COL14A1: variants seen among roughly 807,000 people sequenced by gnomAD.
COL14A1 encodes collagen alpha-1(XIV) chain.
A neutral mutation model predicts 230.3 loss-of-function variants in COL14A1; 136 were observed. The ratio of observed to expected loss-of-function variants is 0.59; its 90% CI spans 0.51 to 0.68. The LOEUF (loss-of-function observed/expected upper bound fraction) is 0.68, where lower values mean the gene tolerates loss of function less well. COL14A1 is among the 30% of genes least tolerant of loss of function. The pLI is 0.00. For missense variants in COL14A1, 1,976 were observed against 2,215.8 expected, an observed-to-expected ratio of 0.89 and a Z score of 2.17; for synonymous variants, 792 against 784.1, an observed-to-expected ratio of 1.01 and a Z score of -0.17.
intron 19 of COL14A1, among the ~76,000 whole-genome samples, chr8:120,235,234 A>G (rs1818402291): frequency 6.6e-6 from 1 of 151,858 alleles, no homozygotes; most frequent in East Asian, 1.9e-4. Context: ...TAGTGGTGCA[A>G]TCTTGGTTCA....
intron 37 of COL14A1, 31 bp from the exon 38 acceptor site, chr8:120,313,901 T>A (rs765113924): frequency 6.9e-7 from 1 of 1,439,944 alleles, no homozygotes; most frequent in South Asian, 1.2e-5. Flanking sequence ...CTAACTTACT[T>A]TTAGGATGAT....
intron 10 of COL14A1, 74 bp from the exon 11 acceptor site, chr8:120,208,158 A>C (rs1433999036): frequency 1.4e-6 from 2 of 1,439,180 alleles, no homozygotes; most frequent in Non-Finnish European, 1.9e-6. Context: ...TGCTGGACGT[A>C]TTTTCGCTTT....
intron 35 of COL14A1, among the ~76,000 whole-genome samples, chr8:120,298,606 T>TAG (rs1197551582): frequency 3.2e-5 from 2 of 62,808 alleles, no homozygotes; most frequent in Non-Finnish European, 6.7e-5. Context: ...TTTATATATA[T>TAG]ATATATATAT....
intron 5 of COL14A1, among the ~76,000 whole-genome samples, chr8:120,193,783 C>A (rs997188876): frequency 1.3e-5 from 2 of 152,204 alleles, no homozygotes; most frequent in African/African-American, 4.8e-5. Context: ...CTCGCTGCCA[C>A]CTTATAGTTT....
At chr8:120,365,130 A>G (rs566401111) in intron 45 of COL14A1, among the ~76,000 whole-genome samples, 17 of 152,238 alleles carry the variant, frequency 1.1e-4, no homozygotes, top group African/African-American at 4.1e-4. Flanking sequence ...CAGATTTTCT[A>G]TTCCCAATCT....
intron 45 of COL14A1, among the ~76,000 whole-genome samples, chr8:120,348,778 A>C (rs1260651568): frequency 2.0e-5 from 3 of 152,220 alleles, no homozygotes; most frequent in Non-Finnish European, 4.4e-5. Flanking sequence ...TCAAACTTTT[A>C]AAAATGTGAT....
Position 120,231,581 on chromosome 8 carries a change from C to T in COL14A1, c.2312C>T (p.Thr771Ile), listed in dbSNP as rs1364875211. The T allele has an allele frequency of 6.2e-7, 1 of 1,613,976 alleles. No individual in the cohort carries two copies. The highest frequency in any genetic ancestry group is 8.5e-7 in the Non-Finnish European group (1 of 1,179,960). ...DVQQFRVTYM[T>I]AQGDPEEEVI... Reference sequence around the variant, plus strand: ...CAGCAGTTTAGGGTGACCTACATGACAGCTCAAGGGGACCCTGAGGAAGAA... The same window carrying T: ...CAGCAGTTTAGGGTGACCTACATGATAGCTCAAGGGGACCCTGAGGAAGAA... The change falls in exon 19 of 48, where the codon ACA becomes ATA. Residue 771 changes from threonine to isoleucine, a missense_variant. Thr to Ile is a moderately conservative substitution (Grantham distance 89). This residue lies in a region of COL14A1 where 1,791 missense variants were observed against 2,019.5 expected (regional missense o/e 0.89). Transcript: ENST00000297848.
intron 33 of COL14A1, among the ~76,000 whole-genome samples, chr8:120,288,728 C>A (rs1341608899): frequency 6.6e-6 from 1 of 152,102 alleles, no homozygotes; most frequent in East Asian, 1.9e-4. Context: ...TACCGTAATG[C>A]CTTATCTTAA....
chr8:120,158,370 G>C (rs1351987875), intron 3 of COL14A1, 124 bp downstream of exon 3: 90 of 683,132 alleles, frequency 1.3e-4, no homozygotes, highest in Non-Finnish European at 1.0e-5. Flanking sequence ...TTAATCTTCA[G>C]TGTTTAAAAT....
chr8:120,253,930 AC>A lies in COL14A1; in HGVS notation c.2753-1309del, dbSNP rs1354893464. Among the ~76,000 whole-genome samples, 3 of 152,244 alleles carry A rather than the reference AC, an allele frequency of 2.0e-5. No homozygotes were observed. In the East Asian group the frequency reaches 5.8e-4, roughly 29 times the overall value. ...CAAGAGCGAGACTCCATCTCAAAAA[AC>A]AAAACAAAAAAGTTATATAAATCAA... On this transcript the variant is annotated intron_variant, in intron 22 of 47. Coordinates refer to ENST00000297848, the MANE Select transcript of COL14A1 (RefSeq NM_021110.4).
At chr8:120,280,625 A>G (rs1820004260) in intron 29 of COL14A1, 86 bp from the exon 30 acceptor site, 2 of 1,232,046 alleles carry the variant, frequency 1.6e-6, no homozygotes, top group African/African-American at 1.5e-5. Context: ...GAAAGATTGT[A>G]TTAGTTTCCT....
intron 37 of COL14A1, among the ~76,000 whole-genome samples, chr8:120,311,637 T>A (rs1183349787): frequency 6.6e-6 from 1 of 152,188 alleles, no homozygotes; most frequent in Non-Finnish European, 1.5e-5. Context: ...GGCCCCAGTA[T>A]GTATGATTTT....
intron 42 of COL14A1, among the ~76,000 whole-genome samples, chr8:120,337,513 G>A (rs535203376): frequency 1.3e-5 from 2 of 152,132 alleles, no homozygotes; most frequent in Non-Finnish European, 2.9e-5. Flanking sequence ...TAGATTAGGG[G>A]TCAGGTCATG....
rs142181191 is a variant in COL14A1, at chr8:120,366,933, C to T, written c.5078-238C>T. Among the ~76,000 whole-genome samples, 613 of 152,272 alleles carry T rather than the reference C, an allele frequency of 4.0e-3. 4 individuals are homozygous for T. Among genetic ancestry groups the T allele is most frequent in the African/African-American group, 0.014 (586 of 41,552 alleles). On this transcript the variant is annotated intron_variant, in intron 45 of 47. Transcript: ENST00000297848. The stretch of plus-strand genomic sequence containing the variant: ...CTTCAGTAGGAAGGAGAAAGAGAGA[C>T]TGGCAGAATAGCAAATACAGACCAC...
chr8:120,206,808 T>C, intron 9 of COL14A1, 135 bp from the exon 10 acceptor site: 2 of 834,200 alleles, frequency 2.4e-6, no homozygotes, highest in Non-Finnish European at 3.6e-6. Flanking sequence ...AATGGATAAC[T>C]GAATCAACTT....
At chr8:120,127,672 A>C (rs1814389362) in intron 1 of COL14A1, among the ~76,000 whole-genome samples, 1 of 152,226 alleles carries the variant, frequency 6.6e-6, no homozygotes, top group Non-Finnish European at 1.5e-5. Context: ...TCTCCCTTTC[A>C]ATCTTAAATA....
chr8:120,297,489 C>A lies in COL14A1; in HGVS notation c.4237-22C>A, dbSNP rs1820564189. ...AATTTATATATATTTTATTGAATGA[C>A]AATTTTCTTTTTAAATCATAGTTCC... is the stretch of plus-strand genomic sequence containing the variant. On this transcript the variant is annotated intron_variant, in intron 34 of 47. Transcript: ENST00000297848. 4 of 1,320,582 alleles carry A rather than the reference C, an allele frequency of 3.0e-6. No individual in the cohort carries two copies. The African/African-American group carries it at 4.6e-5, about 15-fold the overall frequency. The allele number at this position is 1,320,582 out of a possible 1,614,324, so 81.8% of individuals were successfully genotyped here.
chr8:120,264,976 A>C (rs1178259550), intron 24 of COL14A1, among the ~76,000 whole-genome samples: 1 of 152,066 alleles, frequency 6.6e-6, no homozygotes, highest in Admixed American at 6.6e-5. Context: ...TTTGATGTAA[A>C]TGTTTTCCTT....
chr8:120,270,815 A>G (rs1819644625), intron 26 of COL14A1, among the ~76,000 whole-genome samples: 1 of 151,778 alleles, frequency 6.6e-6, no homozygotes, highest in African/African-American at 2.4e-5. Context: ...AAGCACTTTG[A>G]CAGTTTCTCA....
Sources: gnomAD v4.1 joint callset for allele counts (sites outside exome capture counted in the v4.1 genomes callset) on GRCh38, gnomAD v4.1.1 for gene constraint, gnomAD v4.1.1 regional missense constraint, MANE v1.5 for transcripts, NCBI Gene and HGNC (gene_info 2026-07-23, HGNC 2026-07-21) for gene names.